FRMPD4: variants seen among roughly 807,000 people sequenced by gnomAD.
FRMPD4 encodes the protein FERM and PDZ domain containing 4.
Under a neutral mutation model 94.1 loss-of-function variants are expected in FRMPD4, and 22 were observed. That is an observed-to-expected ratio of 0.23 (90% CI 0.17 to 0.33). FRMPD4 has a LOEUF of 0.33. Ranked by LOEUF, FRMPD4 falls within the 10% of genes least tolerant of loss-of-function variation. The pLI is 1.00. For missense variants in FRMPD4, 1,111 were observed against 1,339.9 expected (o/e 0.83, Z 2.67); for synonymous variants, 631 against 548.6 (o/e 1.15, Z -2.10).
At chrX:12,302,129 C>T (rs2054870397) in intron 1 of FRMPD4, among the ~76,000 whole-genome samples, 1 of 112,142 alleles carries the variant, frequency 8.9e-6, no homozygotes. Context: ...TTTTTGGCTT[C>T]TGGCGGGAGA....
intron 1 of FRMPD4, among the ~76,000 whole-genome samples, chrX:12,408,675 A>G (rs2056695819): frequency 9.0e-6 from 1 of 111,570 alleles, no homozygotes; most frequent in Admixed American, 9.6e-5. Flanking sequence ...GTGCCCAATC[A>G]TTTGGGGTCT....
At chrX:12,232,646 G>T (rs978419846) in intron 1 of FRMPD4, among the ~76,000 whole-genome samples, 12 of 111,458 alleles carry the variant, frequency 1.1e-4, no homozygotes, top group African/African-American at 3.9e-4. Flanking sequence ...TATTGGGTGG[G>T]GTTGGAGTAG....
chrX:12,528,535 C>T (rs1467693509), intron 2 of FRMPD4, among the ~76,000 whole-genome samples: 2 of 109,555 alleles, frequency 1.8e-5, no homozygotes, highest in Non-Finnish European at 3.8e-5. Context: ...TGGCCAGGCT[C>T]GTCTTGAACT....
intron 1 of FRMPD4, among the ~76,000 whole-genome samples, chrX:11,827,087 A>ATATATATATATATAT (rs58743575): frequency 1.1e-3 from 92 of 83,257 alleles, no homozygotes; most frequent in East Asian, 2.4e-3. Flanking sequence ...TATATATATA[A>ATATATATATATATAT]AATATATATG....
intron 3 of FRMPD4, among the ~76,000 whole-genome samples, chrX:11,961,774 G>A (rs980238735): frequency 8.1e-5 from 9 of 111,244 alleles, no homozygotes; most frequent in African/African-American, 2.6e-4. Flanking sequence ...CAGCTCAACA[G>A]TCACCTTTCA....
chrX:12,298,155 T>C (rs1193681555), intron 1 of FRMPD4, among the ~76,000 whole-genome samples: 1 of 111,858 alleles, frequency 8.9e-6, no homozygotes, highest in Non-Finnish European at 1.9e-5. Context: ...TTTATGTTTG[T>C]TTGTTTTTAA....
At chrX:12,097,742 T>C (rs2055218932) in intron 3 of FRMPD4, among the ~76,000 whole-genome samples, 2 of 112,821 alleles carry the variant, frequency 1.8e-5, no homozygotes, top group African/African-American at 3.2e-5. Context: ...TGCTGTAGCA[T>C]GTTTCAGTAT....
At chrX:12,236,314 A>G (rs2057069869) in intron 1 of FRMPD4, among the ~76,000 whole-genome samples, 1 of 111,358 alleles carries the variant, frequency 9.0e-6, no homozygotes. Context: ...GAAAACCCTC[A>G]AGCATTATAA....
chrX:11,875,869 A>ATTTTTT (rs869076863), intron 2 of FRMPD4, among the ~76,000 whole-genome samples: 24 of 57,259 alleles, frequency 4.2e-4, no homozygotes, highest in East Asian at 1.3e-3. Flanking sequence ...CCACTTGAGG[A>ATTTTTT]TTTTTTTTTT....
intron 10 of FRMPD4, among the ~76,000 whole-genome samples, chrX:12,704,133 C>T (rs913780815): frequency 5.3e-5 from 6 of 112,628 alleles, no homozygotes; most frequent in Admixed American, 9.4e-5. Context: ...TTAGCATTGT[C>T]TCTAGAGAAT....
At chrX:12,678,592 G>A (rs978165265) in intron 5 of FRMPD4, among the ~76,000 whole-genome samples, 2 of 112,065 alleles carry the variant, frequency 1.8e-5, no homozygotes, top group Non-Finnish European at 3.8e-5. Context: ...TTGGGAGGCC[G>A]AGGCGGGCAG....
intron 1 of FRMPD4, among the ~76,000 whole-genome samples, chrX:12,231,010 G>GTATGTGTATA (rs1555938195): frequency 2.6e-5 from 1 of 39,144 alleles, no homozygotes; most frequent in Non-Finnish European, 4.8e-5. Flanking sequence ...ATAATATATA[G>GTATGTGTATA]TATATATAGT....
At chrX:12,614,633 G>T in intron 3 of FRMPD4, 146 bp from the exon 4 acceptor site, 1 of 438,965 alleles carries the variant, frequency 2.3e-6, no homozygotes, top group Non-Finnish European at 4.1e-6. Flanking sequence ...CTGGGCCTCA[G>T]AATTGTCCAA....
chrX:12,339,779 G>A (rs945983302), intron 1 of FRMPD4, among the ~76,000 whole-genome samples: 5 of 111,084 alleles, frequency 4.5e-5, no homozygotes, highest in African/African-American at 1.6e-4. Flanking sequence ...ACCATGCCTG[G>A]CTAATTTTTA....
chrX:12,552,828 T>C (rs1289359833), intron 2 of FRMPD4, among the ~76,000 whole-genome samples: 1 of 112,644 alleles, frequency 8.9e-6, no homozygotes, highest in African/African-American at 3.2e-5. Context: ...CCCATTATTT[T>C]TAAACATCTA....
At chrX:12,282,044 A>C (rs955156221) in intron 1 of FRMPD4, among the ~76,000 whole-genome samples, 2 of 112,480 alleles carry the variant, frequency 1.8e-5, no homozygotes, top group African/African-American at 6.5e-5. Context: ...TATTGATACA[A>C]ATTTAATCAT....
At chrX:12,680,396 G>C (rs1482304354) in intron 5 of FRMPD4, among the ~76,000 whole-genome samples, 1 of 112,234 alleles carries the variant, frequency 8.9e-6, no homozygotes, top group Non-Finnish European at 1.9e-5. Context: ...TTTTTTGAAA[G>C]CAAAGATAAA....
intron 1 of FRMPD4, among the ~76,000 whole-genome samples, chrX:12,342,250 T>C (rs1023698083): frequency 8.9e-6 from 1 of 112,109 alleles, no homozygotes; most frequent in African/African-American, 3.2e-5. Context: ...TGAAAGCAAA[T>C]AGGTATATTT....
chrX:11,845,499 A>G (rs1001058009), intron 1 of FRMPD4, among the ~76,000 whole-genome samples: 15 of 109,746 alleles, frequency 1.4e-4, no homozygotes, highest in Admixed American at 4.9e-4. Context: ...AATCAATAGA[A>G]AAAGAGGGAA....
Sources: gnomAD v4.1 joint callset for allele counts (sites outside exome capture counted in the v4.1 genomes callset) on GRCh38, gnomAD v4.1.1 for gene constraint, MANE v1.5 for transcripts, NCBI Gene and HGNC (gene_info 2026-07-23, HGNC 2026-07-21) for gene names.